The following SMYD3 variants were observed in gnomAD, a reference collection of about 807,000 sequenced individuals.
The protein encoded by SMYD3 is SET and MYND domain containing 3.
Under a neutral mutation model 57.7 loss-of-function variants are expected in SMYD3, and 36 were observed. The ratio of observed to expected loss-of-function variants is 0.62; its 90% CI spans 0.48 to 0.82. The LOEUF (loss-of-function observed/expected upper bound fraction) is 0.82, where lower values mean the gene tolerates loss of function less well. Ranked by LOEUF, SMYD3 falls within the 40% of genes least tolerant of loss-of-function variation. The probability of loss-of-function intolerance (pLI) is 0.00; values close to 1 mark genes in which losing one functional copy is unlikely to be tolerated. For synonymous variants in SMYD3, 211 were observed against 195.0 expected (o/e 1.08, Z -0.68); for missense variants, 515 against 538.8 (o/e 0.96, Z 0.44).
At chr1:245,968,533 A>C (rs1261759001) in intron 5 of SMYD3, among the ~76,000 whole-genome samples, 1 of 152,228 alleles carries the variant, frequency 6.6e-6, no homozygotes, top group Non-Finnish European at 1.5e-5. Context: ...TAGTGAAGGA[A>C]ATTCAGTGTA....
chr1:245,993,980 G>A (rs28445534), intron 5 of SMYD3, among the ~76,000 whole-genome samples: 76,947 of 152,042 alleles, frequency 0.51, 23,312 homozygotes, highest in Middle Eastern at 0.69. Flanking sequence ...TCCTCAAAAT[G>A]GAAAATCCCC....
At chr1:245,934,113 T>A (rs933724377) in intron 5 of SMYD3, among the ~76,000 whole-genome samples, 3 of 152,244 alleles carry the variant, frequency 2.0e-5, no homozygotes, top group Non-Finnish European at 4.4e-5. Flanking sequence ...TTAAAACTTT[T>A]CTGTCTAAAA....
Position 246,097,129 on chromosome 1 carries a change from A to G in SMYD3, c.532-167192T>C, listed in dbSNP as rs535508036. 5.9e-5 allele frequency among the ~76,000 whole-genome samples: 9 copies of G among 152,352 alleles called. No individual in the cohort carries two copies. In the East Asian group the frequency reaches 1.7e-3, roughly 29 times the overall value. ...AAACACGTGAAAAATATAGTTGTTC[A>G]GACAAAGAAACGTCATTCTGATCTC... On this transcript the variant is annotated intron_variant, in intron 5 of 11. Coordinates refer to ENST00000490107, the MANE Select transcript of SMYD3 (RefSeq NM_001167740.2).
chr1:245,872,845 G>C (rs371691668), intron 8 of SMYD3, among the ~76,000 whole-genome samples: 41 of 152,316 alleles, frequency 2.7e-4, no homozygotes, highest in African/African-American at 9.9e-4. Flanking sequence ...TCCCTTCATA[G>C]CTTCTGGGAA....
intron 10 of SMYD3, among the ~76,000 whole-genome samples, chr1:245,806,854 G>A (rs973801724): frequency 2.2e-5 from 3 of 138,364 alleles, no homozygotes; most frequent in South Asian, 2.4e-4. Context: ...AGCTTGCAGT[G>A]AGCCGAGATC....
intron 5 of SMYD3, among the ~76,000 whole-genome samples, chr1:246,088,021 T>G (rs113339101): frequency 0.014 from 2,196 of 152,254 alleles, 50 homozygotes; most frequent in African/African-American, 0.049. Context: ...AGCAATCACT[T>G]GTTTAGAATA....
At chr1:246,025,493 A>AT (rs1202786002) in intron 5 of SMYD3, among the ~76,000 whole-genome samples, 1 of 152,210 alleles carries the variant, frequency 6.6e-6, no homozygotes, top group African/African-American at 2.4e-5. Context: ...TGTGACGGTC[A>AT]TTTTCTGGAA....
chr1:246,502,439 T>C (rs1004736777), intron 1 of SMYD3, among the ~76,000 whole-genome samples: 5 of 152,116 alleles, frequency 3.3e-5, no homozygotes, highest in African/African-American at 1.2e-4. Flanking sequence ...GCCTGCTTTA[T>C]CTTCTATAAC....
chr1:246,210,670 A>T (rs10924551), intron 5 of SMYD3, among the ~76,000 whole-genome samples: 12,652 of 150,978 alleles, frequency 0.084, 715 homozygotes, highest in East Asian at 0.21. Context: ...ACATTGTGCC[A>T]CTGCACTCCA....
intron 4 of SMYD3, among the ~76,000 whole-genome samples, chr1:246,329,036 A>C (rs553876373): frequency 5.3e-5 from 8 of 152,196 alleles, no homozygotes; most frequent in South Asian, 2.1e-4. Context: ...TTTTTTATGG[A>C]TGCATAGTAT....
rs116483656 is a variant in SMYD3 at position 246,190,881 on chromosome 1, A to C, written c.531+136320T>G. ...GAACAGAAGAAGGAAAGCAAGAGAA[A>C]ATGAGAGGTAGGAACTAGAAAAGCC... On this transcript the variant is annotated intron_variant, in intron 5 of 11. Transcript: ENST00000490107. 7.0e-3 allele frequency among the ~76,000 whole-genome samples: 1,063 copies of C among 152,238 alleles called. 6 individuals are homozygous for C. Among genetic ancestry groups the C allele is most frequent in the African/African-American group, 0.024 (1,007 of 41,526 alleles).
chr1:246,033,542 T>C (rs1421612912), intron 5 of SMYD3, among the ~76,000 whole-genome samples: 1 of 152,168 alleles, frequency 6.6e-6, no homozygotes, highest in Non-Finnish European at 1.5e-5. Context: ...TCCCAGCACT[T>C]TGGGAGGCCG....
intron 5 of SMYD3, among the ~76,000 whole-genome samples, chr1:246,134,009 A>G (rs192899799): frequency 2.0e-4 from 31 of 152,264 alleles, no homozygotes; most frequent in African/African-American, 7.2e-4. Flanking sequence ...TCTGGACCAG[A>G]AGAACCTATT....
intron 5 of SMYD3, among the ~76,000 whole-genome samples, chr1:246,200,811 G>A (rs1001735869): frequency 1.3e-5 from 2 of 152,108 alleles, no homozygotes; most frequent in Non-Finnish European, 1.5e-5. Flanking sequence ...TTCTAGAGCC[G>A]AAAATGAAGT....
At chr1:246,378,756 T>TAA (rs1558433665) in intron 1 of SMYD3, among the ~76,000 whole-genome samples, 1 of 37,338 alleles carries the variant, frequency 2.7e-5, no homozygotes, top group Non-Finnish European at 6.4e-5. Flanking sequence ...ATATAATATA[T>TAA]TTAATATATT....
At chr1:246,271,549 T>G (rs149706720) in intron 5 of SMYD3, among the ~76,000 whole-genome samples, 40 of 152,336 alleles carry the variant, frequency 2.6e-4, no homozygotes, top group African/African-American at 9.4e-4. Flanking sequence ...ATTTGTTGAA[T>G]TGACTGTGCT....
chr1:246,026,051 A>G (rs7525827), intron 5 of SMYD3: 13,401 of 152,202 alleles, frequency 0.088, 1,744 homozygotes, highest in African/African-American at 0.28. Context: ...GCTTGAACCC[A>G]GGAGGTAGGT....
intron 5 of SMYD3, among the ~76,000 whole-genome samples, chr1:246,161,716 A>T (rs979407399): frequency 6.6e-6 from 1 of 152,216 alleles, no homozygotes; most frequent in Admixed American, 6.5e-5. Context: ...TAAAAAGAGA[A>T]TCAAATACAG....
At position 246,463,593 on chromosome 1, in the gene SMYD3, G is replaced by A. The variant is rs965413611; in HGVS notation, c.164+43461C>T. Among the ~76,000 whole-genome samples the A allele has an allele frequency of 8.2e-5, 12 of 145,498 alleles. No individual in the cohort carries two copies. In the South Asian group the frequency reaches 1.9e-3, roughly 24 times the overall value. On this transcript the variant is annotated intron_variant, in intron 1 of 11. Transcript: ENST00000490107. ...AACACTTTGGGAGGCCGAGGCGGGC[G>A]GATCACGAGGTCAGGAGATGGAGAC... is the stretch of plus-strand genomic sequence containing the variant.
Sources: allele counts gnomAD v4.1 joint callset (sites outside exome capture counted in the v4.1 genomes callset), GRCh38; gene constraint gnomAD v4.1.1; transcripts MANE v1.5; gene names NCBI Gene and HGNC (gene_info 2026-07-23, HGNC 2026-07-21).